Variants in TEX11 observed in about 807,000 individuals in gnomAD.
The protein encoded by TEX11 is testis expressed 11, also known as testis-expressed protein 11.
In TEX11, 7 loss-of-function variants were observed where a neutral mutation model predicts 84.4. The observed-to-expected ratio is 0.08, with a 90% CI of 0.05 to 0.16. The LOEUF (loss-of-function observed/expected upper bound fraction) is 0.16. Among genes scored for constraint, TEX11 ranks in the 10% least tolerant of loss-of-function variants. The pLI is 1.00. For synonymous variants in TEX11, 264 were observed against 222.8 expected (o/e 1.18, Z -1.64); for missense variants, 551 against 660.5 (o/e 0.83, Z 1.82).
intron 28 of TEX11, among the ~76,000 whole-genome samples, chrX:70,546,114 G>A (rs1293561058): frequency 8.9e-6 from 1 of 111,948 alleles, no homozygotes; most frequent in Non-Finnish European, 1.9e-5. Flanking sequence ...CCCAGTGTGG[G>A]AGAGTCAGAT....
chrX:70,652,924 G>A (rs2089826013), intron 16 of TEX11, among the ~76,000 whole-genome samples: 2 of 110,254 alleles, frequency 1.8e-5, no homozygotes, highest in African/African-American at 6.6e-5. Flanking sequence ...AGTAGAAGGG[G>A]AAGACTGCAA....
At position 70,862,724 on chromosome X, in the gene TEX11, T is replaced by C. The variant is rs1432926993; in HGVS notation, c.245-1788A>G. Among the ~76,000 whole-genome samples, 5 of 102,246 alleles carry C rather than the reference T, an allele frequency of 4.9e-5. No homozygotes were observed. In the Admixed American group the frequency reaches 5.4e-4, roughly 11 times the overall value. 88.8% of individuals were successfully genotyped at this position (102,246 alleles called of 115,157 possible). A position where few individuals can be genotyped will look rare whatever the true frequency, so the allele number is the denominator to read the frequency against. Reference sequence around the variant, plus strand: ...TTCAAGACCAGCCTGACCAACATGGTGTAACCACATCTCTAGTAAAAATAC... The same window carrying C: ...TTCAAGACCAGCCTGACCAACATGGCGTAACCACATCTCTAGTAAAAATAC... On this transcript the variant is annotated intron_variant, in intron 4 of 29. Coordinates refer to ENST00000374333, the MANE Select transcript of TEX11 (RefSeq NM_031276.3).
At chrX:70,671,880 G>T (rs867880006) in intron 15 of TEX11, among the ~76,000 whole-genome samples, 39 of 66,329 alleles carry the variant, frequency 5.9e-4, no homozygotes, top group South Asian at 1.2e-3. Context: ...CAATTGTTTT[G>T]ATATATATAT....
chrX:70,716,050 G>A (rs930124100), intron 13 of TEX11, among the ~76,000 whole-genome samples: 5 of 110,238 alleles, frequency 4.5e-5, no homozygotes, highest in Non-Finnish European at 7.6e-5. Context: ...GTTTGCCAGA[G>A]GTCCACTCCA....
chrX:70,696,493 G>A (rs1342882429), intron 13 of TEX11, among the ~76,000 whole-genome samples: 1 of 111,938 alleles, frequency 8.9e-6, no homozygotes, highest in Non-Finnish European at 1.9e-5. Context: ...AACTCACCAG[G>A]TGGATGGCTC....
chrX:70,587,148 A>T (rs530868689), intron 25 of TEX11, among the ~76,000 whole-genome samples: 4 of 112,100 alleles, frequency 3.6e-5, no homozygotes, highest in African/African-American at 1.3e-4. Flanking sequence ...AGTTTGGAAA[A>T]TTTTCAGCCT....
chrX:70,535,385 G>GA, intron 28 of TEX11, among the ~76,000 whole-genome samples: 1 of 112,001 alleles, frequency 8.9e-6, no homozygotes, highest in South Asian at 3.7e-4. Flanking sequence ...GAAGCTGCCA[G>GA]ACTTTTTCAA....
At chrX:70,629,557 T>C in intron 18 of TEX11, 54 bp downstream of exon 18, 1 of 1,151,558 alleles carries the variant, frequency 8.7e-7, no homozygotes, top group South Asian at 1.8e-5. Context: ...CTATTAATTG[T>C]CTTTCAAAAA....
intron 21 of TEX11, 125 bp from the exon 22 acceptor site, chrX:70,609,302 T>A: frequency 2.2e-6 from 1 of 449,739 alleles, no homozygotes; most frequent in Non-Finnish European, 3.5e-6. Context: ...TGTGTATGTG[T>A]GTAGGGGTGC....
intron 16 of TEX11, among the ~76,000 whole-genome samples, chrX:70,669,944 G>A (rs1482517317): frequency 1.8e-5 from 2 of 112,309 alleles, no homozygotes; most frequent in East Asian, 5.6e-4. Context: ...TTTCTAGGGT[G>A]GTTGGAAAGG....
chrX:70,808,107 C>CAAAAAAAAAAAAAAAAA (rs549201546), intron 8 of TEX11, among the ~76,000 whole-genome samples: 6 of 32,614 alleles, frequency 1.8e-4, no homozygotes, highest in Admixed American at 4.9e-4. Flanking sequence ...GACTCTGTCT[C>CAAAAAAAAAAAAAAAAA]AAAAAAAAAA....
At chrX:70,597,506 G>C (rs1320378677) in intron 24 of TEX11, among the ~76,000 whole-genome samples, 2 of 111,843 alleles carry the variant, frequency 1.8e-5, no homozygotes, top group African/African-American at 6.5e-5. Context: ...ATGGCACGAA[G>C]ATAATTCAAG....
intron 20 of TEX11, among the ~76,000 whole-genome samples, chrX:70,616,859 G>A (rs896086571): frequency 3.6e-5 from 4 of 111,446 alleles, no homozygotes; most frequent in South Asian, 3.8e-4. Context: ...AGAGTAGAAC[G>A]ATGGTTACCA....
intron 13 of TEX11, among the ~76,000 whole-genome samples, chrX:70,718,212 T>G (rs1344406007): frequency 1.8e-5 from 2 of 112,427 alleles, no homozygotes; most frequent in Non-Finnish European, 3.8e-5. Context: ...TTCAATTTCT[T>G]CAATTTGTAG....
chrX:70,832,355 T>C (rs73213086), intron 8 of TEX11, among the ~76,000 whole-genome samples: 14,165 of 111,722 alleles, frequency 0.13, 774 homozygotes, highest in Middle Eastern at 0.26. Context: ...ATTTTCTATA[T>C]AGAACATTAT....
At chrX:70,719,618 T>C (rs2090538112) in intron 13 of TEX11, among the ~76,000 whole-genome samples, 1 of 111,533 alleles carries the variant, frequency 9.0e-6, no homozygotes, top group East Asian at 2.8e-4. Flanking sequence ...TGCAATCTAC[T>C]CATCTGACAA....
chrX:70,823,297 T>A (rs73213075), intron 8 of TEX11, among the ~76,000 whole-genome samples: 7,688 of 110,676 alleles, frequency 0.069, 220 homozygotes, highest in East Asian at 0.12. Context: ...TTCAGTTATA[T>A]AAGATGAATA....
intron 13 of TEX11, among the ~76,000 whole-genome samples, chrX:70,711,585 T>C (rs774673537): frequency 5.3e-5 from 6 of 112,456 alleles, no homozygotes; most frequent in African/African-American, 1.9e-4. Context: ...CACAAATGTC[T>C]TCTTTTGAGA....
In TEX11 at chrX:70,570,506, G is replaced by A. The variant is rs189158160; in HGVS notation, c.2141-15706C>T. Among the ~76,000 whole-genome samples the A allele has an allele frequency of 7.6e-4, 85 of 112,259 alleles. 1 individual carries two copies. The South Asian group carries it at 0.019, about 25-fold the overall frequency. On this transcript the variant is annotated intron_variant, in intron 25 of 29. Transcript: ENST00000374333. Reference sequence around the variant, plus strand: ...ATCACCCGTCTTCTGCGTCGCTCACGCTGGGAGCTGTAGACCAGAGCTGTT... The same window carrying A: ...ATCACCCGTCTTCTGCGTCGCTCACACTGGGAGCTGTAGACCAGAGCTGTT...
Sources: gnomAD v4.1 joint callset for allele counts (sites outside exome capture counted in the v4.1 genomes callset) on GRCh38, gnomAD v4.1.1 for gene constraint, MANE v1.5 for transcripts, NCBI Gene and HGNC (gene_info 2026-07-23, HGNC 2026-07-21) for gene names.